Variants in UCKL1 observed in about 807,000 individuals in gnomAD.
The protein encoded by UCKL1 is uridine-cytidine kinase-like 1.
In UCKL1, 65 loss-of-function variants were observed where a neutral mutation model predicts 59.2. The ratio of observed to expected loss-of-function variants is 1.10; its 90% CI spans 0.90 to 1.35. The LOEUF (loss-of-function observed/expected upper bound fraction) is 1.35, where lower values mean the gene tolerates loss of function less well. UCKL1 is among the 40% of genes most tolerant of loss of function. The probability of loss-of-function intolerance (pLI) is 0.00; values close to 1 mark genes in which losing one functional copy is unlikely to be tolerated. For synonymous variants in UCKL1, 410 were observed against 323.1 expected, an observed-to-expected ratio of 1.27 and a Z score of -2.88; for missense variants, 703 against 784.3, an observed-to-expected ratio of 0.90 and a Z score of 1.24.
At chr20:63,945,604 C>T (rs1319291454) in intron 5 of UCKL1, 47 bp downstream of exon 5, 1 of 1,600,800 alleles carries the variant, frequency 6.2e-7, no homozygotes, top group Admixed American at 1.7e-5. Context: ...GACAGGGCGG[C>T]CAGGGCTGAG....
chr20:63,940,925 A>C (rs1328265260), intron 10 of UCKL1, 25 bp downstream of exon 10: 2 of 1,519,520 alleles, frequency 1.3e-6, no homozygotes, highest in Admixed American at 4.3e-5. Context: ...CCCACCCTCC[A>C]CCTCGCGGGC....
In UCKL1 at chr20:63,942,511, T is replaced by A. The variant is rs762901226; in HGVS notation, c.923+1142A>T. ...TCCTCTGCTTGCCAGGTGAAGAGCA[T>A]GTTCAGGGAGGGAACAAGGCAGGAA... On this transcript the variant is annotated intron_variant, in intron 8 of 14. Transcript: ENST00000354216. 68 of 1,173,440 alleles carry A rather than the reference T, an allele frequency of 5.8e-5. No homozygotes were observed. In the Middle Eastern group the frequency reaches 1.2e-3, roughly 20 times the overall value. The allele number at this position is 1,173,440 out of a possible 1,614,324, so 72.7% of individuals were successfully genotyped here. A position where few individuals can be genotyped will look rare whatever the true frequency, so the allele number is the denominator to read the frequency against.
chr20:63,946,148 G>A lies in UCKL1; in HGVS notation c.411+13C>T. 1.9e-6 allele frequency: 3 copies of A among 1,611,576 alleles called. No individual in the cohort carries two copies. The highest frequency in any genetic ancestry group is 1.7e-6 in the Non-Finnish European group (2 of 1,179,226). On this transcript the variant is annotated intron_variant, in intron 3 of 14. Coordinates refer to ENST00000354216, the MANE Select transcript of UCKL1 (RefSeq NM_017859.4). ...GACAAAGGGGTCCTCGGGGGAGCTG[G>A]GCGGGGGCCCACCTTGTAGAAGGAG...
chr20:63,947,774 G>A (rs1298271307), intron 1 of UCKL1, among the ~76,000 whole-genome samples: 1 of 152,258 alleles, frequency 6.6e-6, no homozygotes, highest in Non-Finnish European at 1.5e-5. Flanking sequence ...CAGGGTAAGG[G>A]GGAGCCCCTA....
At chr20:63,944,011 G>A (rs921372568) in intron 7 of UCKL1, among the ~76,000 whole-genome samples, 2 of 152,314 alleles carry the variant, frequency 1.3e-5, no homozygotes, top group East Asian at 3.9e-4. Flanking sequence ...TGTCGCTCCT[G>A]GGGTGACCCC....
chr20:63,946,721 G>A (rs1305114653), intron 1 of UCKL1, 78 bp from the exon 2 acceptor site: 7 of 1,365,902 alleles, frequency 5.1e-6, no homozygotes, highest in Non-Finnish European at 6.7e-6. Flanking sequence ...CGGCCCACAG[G>A]GCACCCCCCC....
Position 63,946,015 on chromosome 20 carries a change from G to A in UCKL1, c.412-40C>T, listed in dbSNP as rs772104986. On this transcript the variant is annotated intron_variant, in intron 3 of 14. Coordinates refer to ENST00000354216, the MANE Select transcript of UCKL1 (RefSeq NM_017859.4). ...TGTGGAGCAGCTGTGGGCACAGTAG[G>A]GCCCTCACCCAATGCCAGCGGACAG... 4.3e-6 allele frequency: 7 copies of A among 1,612,452 alleles called. No homozygotes were observed. The African/African-American group carries it at 5.3e-5, about 12-fold the overall frequency.
chr20:63,950,766 C>T, intron 1 of UCKL1: 1 of 1,538,008 alleles, frequency 6.5e-7, no homozygotes, highest in Non-Finnish European at 8.8e-7. Context: ...CACCTGCCTT[C>T]TGCTCCAAGG....
At position 63,945,958 on chromosome 20, in the gene UCKL1, C is replaced by G. The variant is rs976054323; in HGVS notation, c.429G>C (p.Gln143His). 1.2e-6 allele frequency: 2 copies of G among 1,613,826 alleles called. No homozygotes were observed. The highest frequency in any genetic ancestry group is 1.7e-6 in the Non-Finnish European group (2 of 1,179,978). Reference protein sequence around the residue: ...DSFYKVLTEQQQEQAAHNNFN... With the variant: ...DSFYKVLTEQHQEQAAHNNFN... The stretch of plus-strand genomic sequence containing the variant: ...AGTTGTTGTGTGCGGCCTGTTCCTG[C>G]TGCTGCTCAGTCAGCACCTGGTGGG... Residue 143 changes from glutamine to histidine, a missense_variant, in exon 4 of 15, where the codon CAG becomes CAC. Gln to His is a conservative substitution (Grantham distance 24, BLOSUM62 0). Coordinates refer to ENST00000354216, the MANE Select transcript of UCKL1 (RefSeq NM_017859.4).
At chr20:63,946,732 CA>C in intron 1 of UCKL1, 89 bp from the exon 2 acceptor site, 1 of 1,397,968 alleles carries the variant, frequency 7.2e-7, no homozygotes, top group Non-Finnish European at 9.7e-7. Flanking sequence ...GCACCCCCCC[CA>C]CCCCCTCAAC....
Position 63,956,271 on chromosome 20 carries a change from C to G in UCKL1, c.102G>C (p.Ala34=). The G allele has an allele frequency of 2.6e-6, 4 of 1,549,364 alleles. No homozygotes were observed. The Admixed American group carries it at 5.9e-5, about 23-fold the overall frequency. ...AGGCCCACGCCTACCGGTCCTCGCA[C>G]GCGGTCTCGCTTTTCTCAGCCTGCC... ...PGRQAEKSET[A]CEDRSNAESL... is the part of the protein sequence containing the mutation. The change falls in exon 1 of 15, where the codon GCG becomes GCC. Residue 34 remains alanine (A), a synonymous_variant. Coordinates refer to ENST00000354216, the MANE Select transcript of UCKL1 (RefSeq NM_017859.4).
At chr20:63,943,502 G>A (rs2055244916) in intron 8 of UCKL1, 151 bp downstream of exon 8, 5 of 1,115,688 alleles carry the variant, frequency 4.5e-6, no homozygotes, top group South Asian at 1.4e-5. Flanking sequence ...GCCAGCAAGG[G>A]GAGGCAGAAG....
intron 1 of UCKL1, among the ~76,000 whole-genome samples, chr20:63,946,890 C>T (rs1032614105): frequency 2.0e-5 from 3 of 151,678 alleles, no homozygotes; most frequent in Admixed American, 2.0e-4. Context: ...CCAGCCTGGC[C>T]AACATGGTGA....
At chr20:63,951,332 C>T (rs929740799) in intron 1 of UCKL1, among the ~76,000 whole-genome samples, 5 of 152,256 alleles carry the variant, frequency 3.3e-5, no homozygotes, top group African/African-American at 4.8e-5. Flanking sequence ...CGCAGGCCTG[C>T]GGAGGACCAC....
Position 63,946,507 on chromosome 20 carries a change from G to A in UCKL1, c.250C>T (p.Arg84Trp), listed in dbSNP as rs769207507. The A allele has an allele frequency of 3.3e-5, 53 of 1,593,704 alleles. No individual in the cohort carries two copies. The highest frequency in any genetic ancestry group is 5.7e-5 in the South Asian group (5 of 88,432). Residue 84 changes from arginine (R) to tryptophan (W), a missense_variant, in exon 2 of 15, where the codon CGG becomes TGG. Physicochemically the swap from Arg to Trp is moderately radical, Grantham distance 101. This residue lies in a region of UCKL1 where 398 missense variants were observed against 373.0 expected (regional missense o/e 1.07). Coordinates refer to ENST00000354216, the MANE Select transcript of UCKL1 (RefSeq NM_017859.4). ...CCGTGTTCATTGTACCAGGGCGGCCGCCCGGCGGTGTAGATGGTACGCTTG... is the reference window on the plus strand; with the variant it reads ...CCGTGTTCATTGTACCAGGGCGGCCACCCGGCGGTGTAGATGGTACGCTTG... ...TSKRTIYTAG[R>W]PPWYNEHGTQ...
rs149582183 is a variant in UCKL1, at chr20:63,946,511, G to A, written c.246C>T (p.Ala82=). 3.3e-4 allele frequency: 528 copies of A among 1,596,868 alleles called. No individual in the cohort carries two copies. The highest frequency in any genetic ancestry group is 3.9e-4 in the Non-Finnish European group (452 of 1,171,734). Reference sequence around the variant, plus strand: ...GTTCATTGTACCAGGGCGGCCGCCCGGCGGTGTAGATGGTACGCTTGCTTG... The same window carrying A: ...GTTCATTGTACCAGGGCGGCCGCCCAGCGGTGTAGATGGTACGCTTGCTTG... ...LRTSKRTIYT[A]GRPPWYNEHG... The change falls in exon 2 of 15, where the codon GCC becomes GCT. Residue 82 remains alanine, a synonymous_variant. Coordinates refer to ENST00000354216, the MANE Select transcript of UCKL1 (RefSeq NM_017859.4).
chr20:63,946,542 A>G lies in UCKL1; in HGVS notation c.215T>C (p.Leu72Pro). The part of the protein sequence containing the change: ...TSQCKSEPPL[L>P]RTSKRTIYTA... Reference sequence around the variant, plus strand: ...GTAGATGGTACGCTTGCTTGTACGCAGCAGGGGAGGCTCTGACTTGCACTG... The same window carrying G: ...GTAGATGGTACGCTTGCTTGTACGCGGCAGGGGAGGCTCTGACTTGCACTG... Residue 72 changes from leucine (L) to proline (P), a missense_variant, in exon 2 of 15, where the codon CTG becomes CCG. Physicochemically the swap from Leu to Pro is moderately conservative, Grantham distance 98 (BLOSUM62 -3). Coordinates refer to ENST00000354216, the MANE Select transcript of UCKL1 (RefSeq NM_017859.4). 1 of 1,609,994 alleles carries G rather than the reference A, an allele frequency of 6.2e-7. No individual in the cohort carries two copies. Among genetic ancestry groups the G allele is most frequent in the Non-Finnish European group, 8.5e-7 (1 of 1,178,628 alleles).
At chr20:63,950,773 A>G (rs1463039504) in intron 1 of UCKL1, 1 of 1,538,350 alleles carries the variant, frequency 6.5e-7, no homozygotes, top group African/African-American at 1.4e-5. Flanking sequence ...CTTCTGCTCC[A>G]AGGGCCCGGC....
At chr20:63,941,320 C>T in intron 8 of UCKL1, 112 bp from the exon 9 acceptor site, 2 of 1,433,754 alleles carry the variant, frequency 1.4e-6, no homozygotes, top group Non-Finnish European at 1.9e-6. Flanking sequence ...CCAGGCACAG[C>T]ACGAGGTGCA....
Sources: gnomAD v4.1 joint callset for allele counts (sites outside exome capture counted in the v4.1 genomes callset) on GRCh38, gnomAD v4.1.1 for gene constraint, gnomAD v4.1.1 regional missense constraint, MANE v1.5 for transcripts, NCBI Gene and HGNC (gene_info 2026-07-23, HGNC 2026-07-21) for gene names.